Variants in TOP1 observed in about 807,000 individuals in gnomAD.
TOP1 encodes DNA topoisomerase I.
Under a neutral mutation model 111.1 loss-of-function variants are expected in TOP1, and 10 were observed. The ratio of observed to expected loss-of-function variants is 0.09; its 90% CI spans 0.06 to 0.15. The LOEUF is 0.15. TOP1 is among the 10% of genes least tolerant of loss of function. TOP1 has a pLI of 1.00. For synonymous variants in TOP1, 271 were observed against 302.9 expected, an observed-to-expected ratio of 0.89 and a Z score of 1.10; for missense variants, 474 against 926.7, an observed-to-expected ratio of 0.51 and a Z score of 6.34.
In TOP1 at chr20:41,113,953, C is replaced by CT; in HGVS notation, c.1453-14dup. 1.3e-6 allele frequency: 2 copies of CT among 1,579,626 alleles called. No individual in the cohort carries two copies. The highest frequency in any genetic ancestry group is 1.7e-6 in the Non-Finnish European group (2 of 1,157,544). The stretch of plus-strand genomic sequence containing the variant: ...TCTCTTCCATTCATGCTCATCTTTT[C>CT]TTTCTTTCCTGGGCAGCTTGCTCTG... On this transcript the variant is annotated splice_polypyrimidine_tract_variant and intron_variant, in intron 14 of 20. Coordinates refer to ENST00000361337, the MANE Select transcript of TOP1 (RefSeq NM_003286.4).
intron 9 of TOP1, among the ~76,000 whole-genome samples, chr20:41,093,074 G>A (rs1436871921): frequency 6.6e-6 from 1 of 152,188 alleles, no homozygotes; most frequent in East Asian, 1.9e-4. Flanking sequence ...CACCTATTCT[G>A]TGTAGCATAA....
chr20:41,044,033 T>C (rs1600555967), intron 2 of TOP1, among the ~76,000 whole-genome samples: 1 of 152,270 alleles, frequency 6.6e-6, no homozygotes, highest in East Asian at 1.9e-4. Context: ...TCCCAGCACT[T>C]TGGGAGGCCG....
In TOP1 at chr20:41,067,594, A is replaced by T. The variant is rs2033623489; in HGVS notation, c.155+6104A>T. Among the ~76,000 whole-genome samples, 1 of 152,210 alleles carries T rather than the reference A, an allele frequency of 6.6e-6. No individual in the cohort carries two copies. The highest frequency in any genetic ancestry group is 1.5e-5 in the Non-Finnish European group (1 of 68,038). ...GCATGTTCTGTTCCAAAATGCTTTC[A>T]TTTATTCCAATCCTTGCTAATCAAT... On this transcript the variant is annotated intron_variant, in intron 3 of 20. Coordinates refer to ENST00000361337, the MANE Select transcript of TOP1 (RefSeq NM_003286.4). This position sits in a 1 kb window ranked among gnomAD's most constrained non-coding sequence, Gnocchi z 4.0.
chr20:41,066,935 G>A (rs1169495624), intron 3 of TOP1, among the ~76,000 whole-genome samples: 2 of 152,098 alleles, frequency 1.3e-5, no homozygotes, highest in Non-Finnish European at 2.9e-5. Context: ...AACCTGGCCC[G>A]AGTTTCTGTT....
chr20:41,103,193 A>G (rs1241333612), intron 13 of TOP1, among the ~76,000 whole-genome samples: 1 of 152,238 alleles, frequency 6.6e-6, no homozygotes, highest in African/African-American at 2.4e-5. Flanking sequence ...ACATTTGCAC[A>G]TAAGTTAACA....
intron 7 of TOP1, among the ~76,000 whole-genome samples, chr20:41,084,190 TA>T (rs879617493): frequency 2.6e-3 from 372 of 145,072 alleles, no homozygotes; most frequent in Admixed American, 3.4e-3. Context: ...CCTTTGAGGT[TA>T]AAAAAAAAAA....
chr20:41,044,885 G>A (rs2033314236), intron 2 of TOP1, among the ~76,000 whole-genome samples: 1 of 152,188 alleles, frequency 6.6e-6, no homozygotes, highest in African/African-American at 2.4e-5. Context: ...CTGCCTCCCA[G>A]GCTCAGGTGA....
chr20:41,064,530 T>G (rs749299167), intron 3 of TOP1, among the ~76,000 whole-genome samples: 1 of 152,234 alleles, frequency 6.6e-6, no homozygotes, highest in Non-Finnish European at 1.5e-5. Context: ...TTTTGCTGTT[T>G]ATCCTTATTT....
chr20:41,071,903 C>A lies in TOP1; in HGVS notation c.156-4268C>A, dbSNP rs1166927926. Among the ~76,000 whole-genome samples the A allele has an allele frequency of 6.6e-6, 1 of 152,134 alleles. No individual in the cohort carries two copies. Among genetic ancestry groups the A allele is most frequent in the African/African-American group, 2.4e-5 (1 of 41,392 alleles). ...CCCATGGGGTAAATTCATATTTCAT[C>A]CATAAGTGTGACCATTGCAGAAGTT... On this transcript the variant is annotated intron_variant, in intron 3 of 20. Transcript: ENST00000361337. This position sits in a 1 kb window ranked among gnomAD's most constrained non-coding sequence, Gnocchi z 4.3.
chr20:41,103,218 G>A (rs2034092426), intron 13 of TOP1, among the ~76,000 whole-genome samples: 1 of 152,174 alleles, frequency 6.6e-6, no homozygotes, highest in Non-Finnish European at 1.5e-5. Context: ...GATCTTCTAA[G>A]CATACCGCAC....
rs1467055335 is a variant in TOP1 at position 41,034,257 on chromosome 20, A to G, written c.58+4802A>G. 6.6e-6 allele frequency among the ~76,000 whole-genome samples: 1 copy of G among 152,258 alleles called. No homozygotes were observed. Among genetic ancestry groups the G allele is most frequent in the Non-Finnish European group, 1.5e-5 (1 of 68,040 alleles). ...TTCAGATTGTGTTTAAACTTCGAGT[A>G]GTAATATTTGGAACTGTCTTTTCTC... On this transcript the variant is annotated intron_variant, in intron 2 of 20. Coordinates refer to ENST00000361337, the MANE Select transcript of TOP1 (RefSeq NM_003286.4). The surrounding 1 kb of genome is among the most constrained non-coding windows in gnomAD (Gnocchi z 4.0).
rs1297736989 is a variant in TOP1, at chr20:41,115,383, C to T, written c.1651C>T (p.Leu551=). Residue 551 remains leucine (L), a synonymous_variant, in exon 16 of 21, where the codon CTA becomes TTA. Transcript: ENST00000361337. The surrounding 1 kb of genome is among the most constrained non-coding windows in gnomAD (Gnocchi z 6.3). ...TTATATCTTTTAGGTTTTTAAGAAC[C>T]TACAACTATTTATGGAGAACAAGCA... ...VPVEKRVFKN[L]QLFMENKQPE... 10 of 1,610,782 alleles carry T rather than the reference C, an allele frequency of 6.2e-6. No homozygotes were observed. Among genetic ancestry groups the T allele is most frequent in the African/African-American group, 4.0e-5 (3 of 74,740 alleles).
In TOP1 at chr20:41,032,784, C is replaced by G. The variant is rs952240043; in HGVS notation, c.58+3329C>G. Among the ~76,000 whole-genome samples the G allele has an allele frequency of 6.6e-5, 10 of 152,206 alleles. No individual in the cohort carries two copies. Among genetic ancestry groups the G allele is most frequent in the Non-Finnish European group, 1.2e-4 (8 of 68,040 alleles). ...CTGATGCTAATAGATAGTTGTACTT[C>G]TGTCTGTTGGGTATGGGTTGGGATG... On this transcript the variant is annotated intron_variant, in intron 2 of 20. Transcript: ENST00000361337. This position sits in a 1 kb window ranked among gnomAD's most constrained non-coding sequence, Gnocchi z 4.3.
Position 41,101,750 on chromosome 20 carries a change from G to A in TOP1, c.1308+397G>A, listed in dbSNP as rs1404244100. Among the ~76,000 whole-genome samples, 1 of 152,136 alleles carries A rather than the reference G, an allele frequency of 6.6e-6. No homozygotes were observed. The highest frequency in any genetic ancestry group is 2.4e-5 in the African/African-American group (1 of 41,428). ...GTCTTCTACTTCCTCACCTCTCTTG[G>A]TTATGAGAAGGGAATGTAGTTTCTG... On this transcript the variant is annotated intron_variant, in intron 13 of 20. Coordinates refer to ENST00000361337, the MANE Select transcript of TOP1 (RefSeq NM_003286.4). This position sits in a 1 kb window ranked among gnomAD's most constrained non-coding sequence, Gnocchi z 4.1.
intron 2 of TOP1, among the ~76,000 whole-genome samples, chr20:41,031,129 A>G (rs2122580921): frequency 6.6e-6 from 1 of 152,246 alleles, no homozygotes; most frequent in Non-Finnish European, 1.5e-5. Context: ...GGCGCAGAGA[A>G]TTGTCAGGGG....
chr20:41,062,918 T>G (rs762804110), intron 3 of TOP1, among the ~76,000 whole-genome samples: 27 of 152,234 alleles, frequency 1.8e-4, no homozygotes, highest in Admixed American at 5.2e-4. Flanking sequence ...CTTTTCTTTC[T>G]GTCTACTTTT....
At chr20:41,088,482 G>T (rs372804044) in intron 8 of TOP1, among the ~76,000 whole-genome samples, 1 of 152,110 alleles carries the variant, frequency 6.6e-6, no homozygotes, top group Admixed American at 6.5e-5. Context: ...CAGCCTGGGC[G>T]ACAGAGCGAG....
intron 2 of TOP1, among the ~76,000 whole-genome samples, chr20:41,043,602 T>A (rs1224662261): frequency 3.3e-5 from 5 of 152,206 alleles, no homozygotes; most frequent in African/African-American, 1.2e-4. Flanking sequence ...GTCCCTTGGT[T>A]GAATTAGTAA....
At position 41,058,192 on chromosome 20, in the gene TOP1, T is replaced by G. The variant is rs1044715732; in HGVS notation, c.59-3202T>G. Among the ~76,000 whole-genome samples the G allele has an allele frequency of 1.3e-5, 2 of 152,250 alleles. No individual in the cohort carries two copies. The highest frequency in any genetic ancestry group is 2.4e-5 in the African/African-American group (1 of 41,472). ...GACACAGAATAGATGCTCAGCAGAT[T>G]ATGACACATGTGGCTTCTTTTGCTG... is the stretch of plus-strand genomic sequence containing the variant. On this transcript the variant is annotated intron_variant, in intron 2 of 20. Transcript: ENST00000361337. The surrounding 1 kb of genome is among the most constrained non-coding windows in gnomAD (Gnocchi z 4.2).
Sources: allele counts gnomAD v4.1 joint callset (sites outside exome capture counted in the v4.1 genomes callset), GRCh38; gene constraint gnomAD v4.1.1; non-coding constraint Gnocchi (gnomAD v3.1); transcripts MANE v1.5; gene names NCBI Gene and HGNC (gene_info 2026-07-23, HGNC 2026-07-21).